The following RHOH variants were observed in gnomAD, a reference collection of about 807,000 sequenced individuals.
RHOH encodes ras homolog family member H.
A neutral mutation model predicts 13.8 loss-of-function variants in RHOH; 6 were observed. The observed-to-expected ratio is 0.44, with a 90% confidence interval of 0.24 to 0.86. RHOH has a LOEUF of 0.86. Among genes scored for constraint, RHOH ranks in the 40% least tolerant of loss-of-function variants. The pLI, the probability that RHOH is intolerant of heterozygous loss-of-function variation, is 0.24. For missense variants in RHOH, 147 were observed against 244.5 expected (o/e 0.60, Z 2.66); for synonymous variants, 117 against 103.0 (o/e 1.14, Z -0.82).
At chr4:40,230,133 C>T (rs983835262) in intron 1 of RHOH, among the ~76,000 whole-genome samples, 11 of 152,136 alleles carry the variant, frequency 7.2e-5, no homozygotes, top group Non-Finnish European at 1.5e-4. Context: ...CGACCTCTGC[C>T]TCCTAAGTTC....
chr4:40,233,891 AG>A (rs936893157), intron 1 of RHOH, among the ~76,000 whole-genome samples: 1 of 152,008 alleles, frequency 6.6e-6, no homozygotes, highest in Non-Finnish European at 1.5e-5. Context: ...ATGCCACTGC[AG>A]TCCAGCCTGG....
chr4:40,243,725 G>T lies in RHOH; in HGVS notation c.339G>T (p.Val113=). 1 of 1,614,176 alleles carries T rather than the reference G, an allele frequency of 6.2e-7. No individual in the cohort carries two copies. Among genetic ancestry groups the T allele is most frequent in the Non-Finnish European group, 8.5e-7 (1 of 1,180,034 alleles). ...RSNLPCTPVL[V]VATQTDQREM... Reference sequence around the variant, plus strand: ...ACTTGCCCTGTACCCCTGTGCTGGTGGTGGCCACCCAGACTGACCAGCGGG... The same window carrying T: ...ACTTGCCCTGTACCCCTGTGCTGGTTGTGGCCACCCAGACTGACCAGCGGG... Residue 113 remains valine, a synonymous_variant, in exon 3 of 3, where the codon GTG becomes GTT. Transcript: ENST00000381799. The surrounding 1 kb of genome is among the most constrained non-coding windows in gnomAD (Gnocchi z 6.2).
chr4:40,211,747 A>G (rs1725299014), intron 1 of RHOH, among the ~76,000 whole-genome samples: 1 of 152,186 alleles, frequency 6.6e-6, no homozygotes, highest in African/African-American at 2.4e-5. Flanking sequence ...TAGTTCCGTT[A>G]GTTTGTTTGT....
chr4:40,202,819 G>C (rs959124411), intron 1 of RHOH, among the ~76,000 whole-genome samples: 1 of 152,130 alleles, frequency 6.6e-6, no homozygotes, highest in African/African-American at 2.4e-5. Flanking sequence ...CTTAGGAAGA[G>C]ACAAGGAGAC....
Position 40,243,405 on chromosome 4 carries a change from T to C in RHOH, c.19T>C (p.Cys7Arg). 1.3e-6 allele frequency: 2 copies of C among 1,595,268 alleles called. No homozygotes were observed. Among genetic ancestry groups the C allele is most frequent in the Non-Finnish European group, 1.7e-6 (2 of 1,169,308 alleles). The change falls in exon 3 of 3, where the codon TGC (cysteine) becomes CGC (arginine). Residue 7 changes from cysteine (C) to arginine (R), a missense_variant. Transcript: ENST00000381799. The surrounding 1 kb of genome is among the most constrained non-coding windows in gnomAD (Gnocchi z 6.2). MLSSIK[C>R]VLVGDSAVGK... ...TGGGAAGATGCTGAGTTCCATCAAG[T>C]GCGTGTTGGTGGGCGACTCTGCTGT...
intron 1 of RHOH, among the ~76,000 whole-genome samples, chr4:40,226,897 G>A (rs1473694064): frequency 1.3e-5 from 2 of 152,128 alleles, no homozygotes; most frequent in African/African-American, 2.4e-5. Context: ...GGTGGCTCAC[G>A]CCTGTAATCT....
intron 1 of RHOH, among the ~76,000 whole-genome samples, chr4:40,205,420 A>G (rs1235989741): frequency 6.6e-6 from 1 of 152,186 alleles, no homozygotes; most frequent in Non-Finnish European, 1.5e-5. Context: ...CGGTGGGTAA[A>G]GTGCTCCCTT....
chr4:40,236,539 C>T (rs1728590708), intron 1 of RHOH, among the ~76,000 whole-genome samples: 1 of 152,030 alleles, frequency 6.6e-6, no homozygotes, highest in Non-Finnish European at 1.5e-5. Flanking sequence ...GCCTGTAATC[C>T]CAGCACTTTG....
At chr4:40,195,359 TTCC>T (rs1723016345), upstream of RHOH, among the ~76,000 whole-genome samples, 5 of 34,894 alleles carry the variant, frequency 1.4e-4, no homozygotes, top group African/African-American at 5.5e-4. Context: ...TTTCTTTTCC[TTCC>T]TTCCTTCCTT....
At chr4:40,226,272 G>A (rs3775079) in intron 1 of RHOH, among the ~76,000 whole-genome samples, 2,174 of 152,020 alleles carry the variant, frequency 0.014, 37 homozygotes, top group South Asian at 0.042. Flanking sequence ...CATGCCTGTA[G>A]TCCCAGCACT....
chr4:40,244,114 C>T lies in RHOH; in HGVS notation c.*152C>T. 1.6e-6 allele frequency: 1 copy of T among 626,752 alleles called. No homozygotes were observed. Among genetic ancestry groups the T allele is most frequent in the South Asian group, 2.4e-5 (1 of 40,974 alleles). 38.8% of individuals were successfully genotyped at this position (626,752 alleles called of 1,614,324 possible). ...TACAGTTATTGATGAGGCTTGGCCA[C>T]TGGATGTTTTCACTAACTACACTCT... On this transcript the variant is annotated 3_prime_UTR_variant, in exon 3 of 3. Transcript: ENST00000381799.
upstream of RHOH, among the ~76,000 whole-genome samples, chr4:40,195,394 C>A (rs1579209873): frequency 2.9e-5 from 4 of 137,262 alleles, no homozygotes; most frequent in Admixed American, 2.2e-4. Flanking sequence ...TCCTTCCTTC[C>A]TTCCTTCCTT....
intron 1 of RHOH, among the ~76,000 whole-genome samples, chr4:40,228,715 G>A (rs1727538612): frequency 6.6e-6 from 1 of 152,090 alleles, no homozygotes; most frequent in Non-Finnish European, 1.5e-5. Context: ...CGTCTAAGGG[G>A]AAAACACAAA....
Position 40,243,599 on chromosome 4 carries a change from G to T in RHOH, c.213G>T (p.Leu71=), listed in dbSNP as rs749014122. 1.9e-6 allele frequency: 3 copies of T among 1,614,074 alleles called. No homozygotes were observed. In the African/African-American group the frequency reaches 4.0e-5, roughly 22 times the overall value. The change falls in exon 3 of 3, where the codon CTG becomes CTT. Residue 71 remains leucine, a synonymous_variant. Coordinates refer to ENST00000381799, the MANE Select transcript of RHOH (RefSeq NM_004310.5). This position sits in a 1 kb window ranked among gnomAD's most constrained non-coding sequence, Gnocchi z 6.2. The stretch of plus-strand genomic sequence containing the variant: ...ACGCCTTCAGAAGCATCCGGCCCCT[G>T]TCCTACCAGCAGGCAGACGTGGTGC... ...GNDAFRSIRP[L]SYQQADVVLM...
At chr4:40,212,970 C>T (rs927037803) in intron 1 of RHOH, among the ~76,000 whole-genome samples, 2 of 152,198 alleles carry the variant, frequency 1.3e-5, no homozygotes. Flanking sequence ...AACTGAGTCC[C>T]TAATAATCTC....
intron 1 of RHOH, among the ~76,000 whole-genome samples, chr4:40,238,199 T>G (rs774826447): frequency 1.3e-4 from 19 of 149,146 alleles, no homozygotes; most frequent in Non-Finnish European, 2.5e-4. Context: ...CGGGGGCATC[T>G]GATCTGGCGG....
chr4:40,236,375 G>A (rs1728571972), intron 1 of RHOH, among the ~76,000 whole-genome samples: 1 of 152,162 alleles, frequency 6.6e-6, no homozygotes, highest in East Asian at 1.9e-4. Flanking sequence ...TATGTGCAAA[G>A]TACTCAGTAT....
rs147367903 is a variant in RHOH at position 40,246,448 on chromosome 4, TTGG to T, written c.*2487_*2489del. On this transcript the variant is annotated 3_prime_UTR_variant, in exon 3 of 3. Transcript: ENST00000381799. ...GACACACAGGTGAGACCTCCACCTG[TTGG>T]CGGGAGCCAAGCTTAACAGCTCCGT... 6.6e-6 allele frequency: 1 copy of T among 151,576 alleles called. No homozygotes were observed. Among genetic ancestry groups the T allele is most frequent in the South Asian group, 2.1e-4 (1 of 4,820 alleles). 9.4% of individuals were successfully genotyped at this position (151,576 alleles called of 1,614,324 possible). A position where few individuals can be genotyped will look rare whatever the true frequency, so the allele number is the denominator to read the frequency against.
Position 40,246,095 on chromosome 4 carries a change from C to T in RHOH, c.*2133C>T, listed in dbSNP as rs570825884. 6.6e-6 allele frequency: 1 copy of T among 152,334 alleles called. No individual in the cohort carries two copies. The highest frequency in any genetic ancestry group is 1.9e-4 in the East Asian group (1 of 5,192). 9.4% of individuals were successfully genotyped at this position (152,334 alleles called of 1,614,324 possible). A position where few individuals can be genotyped will look rare whatever the true frequency, so the allele number is the denominator to read the frequency against. The stretch of plus-strand genomic sequence containing the variant: ...CCGGGCAGGGGAGGGGAAGGGATCT[C>T]ATATCCTCTGATATCCCTGGGATTC... On this transcript the variant is annotated 3_prime_UTR_variant, in exon 3 of 3. Transcript: ENST00000381799.
Sources: allele counts gnomAD v4.1 joint callset (sites outside exome capture counted in the v4.1 genomes callset), GRCh38; gene constraint gnomAD v4.1.1; non-coding constraint Gnocchi (gnomAD v3.1); transcripts MANE v1.5; gene names NCBI Gene and HGNC (gene_info 2026-07-23, HGNC 2026-07-21).